Variants in TRAPPC9 observed in about 807,000 individuals in gnomAD.
TRAPPC9 encodes the protein IKK2 binding protein.
A neutral mutation model predicts 124.0 loss-of-function variants in TRAPPC9; 83 were observed. The observed-to-expected ratio is 0.67, with a 90% confidence interval of 0.56 to 0.80. The LOEUF (loss-of-function observed/expected upper bound fraction) is 0.80. Among genes scored for constraint, TRAPPC9 ranks in the 30% least tolerant of loss-of-function variants. The probability of loss-of-function intolerance (pLI) is 0.00; values close to 1 mark genes in which losing one functional copy is unlikely to be tolerated. For synonymous variants in TRAPPC9, 638 were observed against 617.5 expected, an observed-to-expected ratio of 1.03 and a Z score of -0.49; for missense variants, 1,302 against 1,508.3, an observed-to-expected ratio of 0.86 and a Z score of 2.27.
At chr8:140,335,011 A>G (rs2066997462) in intron 9 of TRAPPC9, among the ~76,000 whole-genome samples, 1 of 152,184 alleles carries the variant, frequency 6.6e-6, no homozygotes, top group South Asian at 2.1e-4. Context: ...AGTATAGGTT[A>G]CATGGATAGA....
intron 17 of TRAPPC9, among the ~76,000 whole-genome samples, chr8:140,157,396 T>TTTTCCATTCAAAAGCCTC (rs1563805061): frequency 1.3e-5 from 2 of 149,188 alleles, no homozygotes; most frequent in African/African-American, 5.0e-5. Context: ...TCAAAAGCCT[T>TTTTCCATTCAAAAGCCTC]CCTTCTCTTC....
intron 16 of TRAPPC9, among the ~76,000 whole-genome samples, chr8:140,242,322 C>T (rs2063879784): frequency 6.6e-6 from 1 of 152,160 alleles, no homozygotes; most frequent in African/African-American, 2.4e-5. Context: ...TCAGATAAAA[C>T]GTGTTTGGCA....
chr8:140,259,799 A>T (rs2064356897), intron 15 of TRAPPC9, among the ~76,000 whole-genome samples: 1 of 152,136 alleles, frequency 6.6e-6, no homozygotes, highest in African/African-American at 2.4e-5. Context: ...TGCCATCAGC[A>T]CCCCTTCCCA....
intron 17 of TRAPPC9, among the ~76,000 whole-genome samples, chr8:140,176,491 C>T (rs561697639): frequency 6.6e-6 from 1 of 152,170 alleles, no homozygotes; most frequent in South Asian, 2.1e-4. Context: ...TTGGGCATAC[C>T]GGTAGCTCGT....
intron 20 of TRAPPC9, among the ~76,000 whole-genome samples, chr8:139,897,209 CG>C (rs1222405893): frequency 6.6e-6 from 1 of 152,226 alleles, no homozygotes; most frequent in Non-Finnish European, 1.5e-5. Context: ...CTCAGAGACA[CG>C]GCTGAGTTAC....
At chr8:139,967,775 T>C (rs547238411) in intron 19 of TRAPPC9, among the ~76,000 whole-genome samples, 16 of 152,186 alleles carry the variant, frequency 1.1e-4, no homozygotes, top group Non-Finnish European at 2.1e-4. Flanking sequence ...CCCTCTGCTA[T>C]GGAATAATAA....
At chr8:140,274,493 C>G (rs994545243) in intron 15 of TRAPPC9, among the ~76,000 whole-genome samples, 3 of 152,188 alleles carry the variant, frequency 2.0e-5, no homozygotes, top group African/African-American at 7.2e-5. Context: ...ACAATGCGGA[C>G]GCAAAGCTTC....
intron 6 of TRAPPC9, among the ~76,000 whole-genome samples, chr8:140,402,085 G>A (rs1225362733): frequency 1.3e-5 from 2 of 152,082 alleles, no homozygotes; most frequent in East Asian, 1.9e-4. Flanking sequence ...TATTCTGGGA[G>A]GTTATGTGTA....
chr8:140,002,128 G>GA (rs1587464319), intron 18 of TRAPPC9, among the ~76,000 whole-genome samples: 2 of 148,834 alleles, frequency 1.3e-5, no homozygotes, highest in Non-Finnish European at 1.5e-5. Context: ...AAAGACGGAA[G>GA]AAAAAACGAC....
chr8:139,971,748 T>TACACACACACACACAC (rs6150859), intron 19 of TRAPPC9, among the ~76,000 whole-genome samples: 2 of 145,962 alleles, frequency 1.4e-5, no homozygotes, highest in African/African-American at 5.2e-5. Context: ...CATATATATA[T>TACACACACACACACAC]ACACACACAC....
chr8:140,316,304 G>A (rs1278414630), intron 9 of TRAPPC9, among the ~76,000 whole-genome samples: 2 of 152,120 alleles, frequency 1.3e-5, no homozygotes, highest in Non-Finnish European at 2.9e-5. Flanking sequence ...CAGAGTCAAG[G>A]AAACTTTTCT....
intron 17 of TRAPPC9, among the ~76,000 whole-genome samples, chr8:140,033,677 T>TGTTTC (rs1473241600): frequency 1.0e-5 from 1 of 100,240 alleles, no homozygotes; most frequent in Non-Finnish European, 2.0e-5. Flanking sequence ...TTTTTTTTTT[T>TGTTTC]TTTTTTTTTT....
chr8:139,789,740 C>T (rs764059039), intron 21 of TRAPPC9, among the ~76,000 whole-genome samples: 5 of 152,082 alleles, frequency 3.3e-5, no homozygotes, highest in Non-Finnish European at 7.4e-5. Flanking sequence ...CTGTGTGGGT[C>T]CCAGGGGAAG....
At chr8:139,982,448 T>C (rs1836972056) in intron 19 of TRAPPC9, among the ~76,000 whole-genome samples, 1 of 152,258 alleles carries the variant, frequency 6.6e-6, no homozygotes, top group South Asian at 2.1e-4. Flanking sequence ...ATGAAAGTGG[T>C]GTCTTTCCCA....
chr8:140,324,448 G>A (rs1043837048), intron 9 of TRAPPC9, among the ~76,000 whole-genome samples: 1 of 152,150 alleles, frequency 6.6e-6, no homozygotes, highest in Non-Finnish European at 1.5e-5. Flanking sequence ...TTTTTTTAAA[G>A]TTGGAGGCTT....
At chr8:140,277,870 G>A (rs1322896175) in intron 14 of TRAPPC9, among the ~76,000 whole-genome samples, 1 of 152,218 alleles carries the variant, frequency 6.6e-6, no homozygotes, top group Admixed American at 6.5e-5. Flanking sequence ...AACTGTGGGA[G>A]GTAGGAGTAA....
chr8:139,980,588 C>A (rs955894439), intron 19 of TRAPPC9, among the ~76,000 whole-genome samples: 25 of 152,216 alleles, frequency 1.6e-4, no homozygotes, highest in African/African-American at 5.8e-4. Flanking sequence ...GGCCATGCAT[C>A]GGGCATGGCC....
intron 7 of TRAPPC9, among the ~76,000 whole-genome samples, chr8:140,372,410 T>C (rs2132247876): frequency 6.6e-6 from 1 of 152,302 alleles, no homozygotes; most frequent in South Asian, 2.1e-4. Context: ...ATGGCCTCGA[T>C]GGGGCCCTCG....
At chr8:140,203,619 G>A (rs1419622831) in intron 17 of TRAPPC9, among the ~76,000 whole-genome samples, 1 of 152,214 alleles carries the variant, frequency 6.6e-6, no homozygotes, top group Non-Finnish European at 1.5e-5. Context: ...GTGAAAATCG[G>A]TGCTTGCGGG....
Sources: allele counts gnomAD v4.1 joint callset (sites outside exome capture counted in the v4.1 genomes callset), GRCh38; gene constraint gnomAD v4.1.1; transcripts MANE v1.5; gene names NCBI Gene and HGNC (gene_info 2026-07-23, HGNC 2026-07-21).